Variants in DOCK3 observed in about 807,000 individuals in gnomAD.
DOCK3 encodes dedicator of cytokinesis protein 3.
DOCK3 carries 60 observed loss-of-function variants against 265.6 expected under a neutral mutation model. That is an observed-to-expected ratio of 0.23 (90% CI 0.18 to 0.28). The LOEUF (loss-of-function observed/expected upper bound fraction) is 0.28. Ranked by LOEUF, DOCK3 falls within the 10% of genes least tolerant of loss-of-function variation. The pLI is 1.00. For missense variants in DOCK3, 1,981 were observed against 2,594.3 expected (o/e 0.76, Z 5.14); for synonymous variants, 881 against 938.0 (o/e 0.94, Z 1.11).
At chr3:50,798,380 A>T (rs2042901636) in intron 2 of DOCK3, among the ~76,000 whole-genome samples, 1 of 152,190 alleles carries the variant, frequency 6.6e-6, no homozygotes, top group African/African-American at 2.4e-5. Flanking sequence ...CCTGCTAGGG[A>T]TACCCCAGTT....
At chr3:51,173,551 A>G (rs1224426140) in intron 12 of DOCK3, among the ~76,000 whole-genome samples, 1 of 152,210 alleles carries the variant, frequency 6.6e-6, no homozygotes, top group Non-Finnish European at 1.5e-5. Flanking sequence ...TTTGTTCATC[A>G]AGATTATCTT....
chr3:51,360,490 G>T (rs368884284), intron 46 of DOCK3, 21 bp from the exon 47 acceptor site: 5 of 1,603,498 alleles, frequency 3.1e-6, no homozygotes, highest in Non-Finnish European at 4.3e-6. Context: ...TCTCTATGAA[G>T]GGGCATTCAT....
chr3:50,746,145 T>G (rs1458470345), intron 1 of DOCK3, among the ~76,000 whole-genome samples: 1 of 149,034 alleles, frequency 6.7e-6, no homozygotes, highest in South Asian at 2.1e-4. Flanking sequence ...AGTCTTACTC[T>G]GTTGCCCAGG....
intron 24 of DOCK3, among the ~76,000 whole-genome samples, chr3:51,274,053 G>A (rs1447321939): frequency 6.6e-6 from 1 of 152,216 alleles, no homozygotes; most frequent in East Asian, 1.9e-4. Context: ...TAATAAGGGA[G>A]CTTGAAGTAG....
chr3:50,983,467 C>T (rs2077777239), intron 5 of DOCK3, among the ~76,000 whole-genome samples: 1 of 152,112 alleles, frequency 6.6e-6, no homozygotes, highest in Non-Finnish European at 1.5e-5. Flanking sequence ...CAGGCTCAGC[C>T]AGAGCTGGAC....
At chr3:51,033,731 G>A (rs1252341386) in intron 5 of DOCK3, among the ~76,000 whole-genome samples, 2 of 152,124 alleles carry the variant, frequency 1.3e-5, no homozygotes, top group Non-Finnish European at 2.9e-5. Context: ...TTTCAATTAG[G>A]ACATGAACAA....
intron 5 of DOCK3, among the ~76,000 whole-genome samples, chr3:51,060,062 C>A (rs1176696306): frequency 6.6e-6 from 1 of 152,108 alleles, no homozygotes; most frequent in Non-Finnish European, 1.5e-5. Flanking sequence ...TCTTTCTCCA[C>A]TTCTTCCTCT....
intron 9 of DOCK3, among the ~76,000 whole-genome samples, chr3:51,093,371 T>C (rs537542955): frequency 1.0e-3 from 157 of 152,352 alleles, no homozygotes; most frequent in African/African-American, 3.2e-3. Context: ...CAGTGGTTTG[T>C]AGTTCTCCAT....
At chr3:51,034,639 T>G (rs747214180) in intron 5 of DOCK3, among the ~76,000 whole-genome samples, 13 of 152,094 alleles carry the variant, frequency 8.5e-5, no homozygotes, top group Non-Finnish European at 1.9e-4. Flanking sequence ...TTTAAAGAAA[T>G]CAATAGCAAA....
rs1229977295 is a variant in DOCK3, at chr3:51,146,582, T to A, written c.780T>A (p.Gly260=). The change falls in exon 10 of 53, where the codon GGT becomes GGA. Residue 260 remains glycine, a synonymous_variant. Coordinates refer to ENST00000266037, the MANE Select transcript of DOCK3 (RefSeq NM_004947.5). The stretch of plus-strand genomic sequence containing the variant: ...TTCTGGTAAGACTGAACAAGAATGG[T>A]GGGCCGAGGAACCCAGAGAAGATAG... ...ERFLVRLNKN[G]GPRNPEKIER... 6.3e-7 allele frequency: 1 copy of A among 1,599,468 alleles called. No individual in the cohort carries two copies. Among genetic ancestry groups the A allele is most frequent in the African/African-American group, 1.3e-5 (1 of 74,894 alleles).
chr3:50,906,873 G>C (rs1200826169), intron 4 of DOCK3, among the ~76,000 whole-genome samples: 1 of 151,948 alleles, frequency 6.6e-6, no homozygotes, highest in South Asian at 2.1e-4. Context: ...GATCTTTCCT[G>C]TTTTCTTTTG....
intron 22 of DOCK3, among the ~76,000 whole-genome samples, chr3:51,257,375 A>T (rs1185255591): frequency 6.6e-6 from 1 of 152,196 alleles, no homozygotes; most frequent in African/African-American, 2.4e-5. Flanking sequence ...AATACTTTTG[A>T]TTCAATATAT....
intron 1 of DOCK3, among the ~76,000 whole-genome samples, chr3:50,736,406 G>A (rs1180580345): frequency 6.6e-6 from 1 of 152,152 alleles, no homozygotes; most frequent in African/African-American, 2.4e-5. Flanking sequence ...AATCATTTGG[G>A]CATATACCCA....
intron 49 of DOCK3, among the ~76,000 whole-genome samples, chr3:51,364,689 G>A (rs1452743936): frequency 6.6e-6 from 1 of 152,182 alleles, no homozygotes. Context: ...TCCAGTTTCA[G>A]CTTTCTACAT....
At chr3:51,354,681 T>C (rs539519455) in intron 40 of DOCK3, among the ~76,000 whole-genome samples, 1 of 152,164 alleles carries the variant, frequency 6.6e-6, no homozygotes, top group Non-Finnish European at 1.5e-5. Context: ...TACCCTTCCC[T>C]TGGGGCTGCC....
intron 5 of DOCK3, among the ~76,000 whole-genome samples, chr3:50,955,537 C>G (rs1403443203): frequency 6.6e-6 from 1 of 152,136 alleles, no homozygotes; most frequent in African/African-American, 2.4e-5. Flanking sequence ...TTTGCTGGAA[C>G]ATGGATGGAG....
intron 2 of DOCK3, among the ~76,000 whole-genome samples, chr3:50,801,368 T>C (rs1287636495): frequency 1.3e-5 from 2 of 151,792 alleles, no homozygotes; most frequent in Non-Finnish European, 2.9e-5. Context: ...TTGGAATGAG[T>C]TAGGGTGCAG....
chr3:51,133,668 G>A (rs973911281), intron 9 of DOCK3, among the ~76,000 whole-genome samples: 4 of 151,898 alleles, frequency 2.6e-5, no homozygotes, highest in African/African-American at 7.3e-5. Context: ...TAATCCTTTG[G>A]GTATATACCC....
chr3:51,177,971 CAGAG>C (rs1327420338), intron 12 of DOCK3, among the ~76,000 whole-genome samples: 1 of 145,108 alleles, frequency 6.9e-6, no homozygotes, highest in Non-Finnish European at 1.5e-5. Flanking sequence ...ACCTGAATGA[CAGAG>C]AGAGACTCCA....
Sources: allele counts gnomAD v4.1 joint callset (sites outside exome capture counted in the v4.1 genomes callset), GRCh38; gene constraint gnomAD v4.1.1; transcripts MANE v1.5; gene names NCBI Gene and HGNC (gene_info 2026-07-23, HGNC 2026-07-21).